Variants in MINDY3 observed in about 807,000 individuals in gnomAD.
MINDY3 encodes the protein ubiquitin carboxyl-terminal hydrolase MINDY-3.
MINDY3 carries 38 observed loss-of-function variants against 69.2 expected under a neutral mutation model. The observed-to-expected ratio is 0.55, with a 90% CI of 0.42 to 0.72. The LOEUF is 0.72. Among genes scored for constraint, MINDY3 ranks in the 30% least tolerant of loss-of-function variants. MINDY3 has a pLI of 0.00. For missense variants in MINDY3, 522 were observed against 519.0 expected (o/e 1.01, Z -0.06); for synonymous variants, 192 against 180.1 (o/e 1.07, Z -0.53).
rs1837035129 is a variant in MINDY3 at position 15,787,182 on chromosome 10, T to C, written c.1029-534A>G. 2.0e-5 allele frequency among the ~76,000 whole-genome samples: 3 copies of C among 152,248 alleles called. No individual in the cohort carries two copies. The South Asian group carries it at 6.2e-4, about 32-fold the overall frequency. Reference sequence around the variant, plus strand: ...GAAGGTTAAAGAGCTACATTAATTCTCAAAGAGCTAATGCGTCATGAATGA... The same window carrying C: ...GAAGGTTAAAGAGCTACATTAATTCCCAAAGAGCTAATGCGTCATGAATGA... On this transcript the variant is annotated intron_variant, in intron 12 of 14. Transcript: ENST00000277632.
intron 10 of MINDY3, among the ~76,000 whole-genome samples, chr10:15,815,194 T>C (rs866425687): frequency 4.2e-4 from 64 of 152,232 alleles, no homozygotes; most frequent in African/African-American, 1.5e-3. Flanking sequence ...TTGTCAGTTT[T>C]TGTAGTTCAC....
At chr10:15,818,895 G>C (rs1311226788) in intron 9 of MINDY3, among the ~76,000 whole-genome samples, 1 of 152,112 alleles carries the variant, frequency 6.6e-6, no homozygotes, top group African/African-American at 2.4e-5. Context: ...AAACATTTTG[G>C]AATTAGATTG....
At chr10:15,846,725 A>ATTTTTTTT (rs11455489) in intron 2 of MINDY3, among the ~76,000 whole-genome samples, 2 of 141,652 alleles carry the variant, frequency 1.4e-5, no homozygotes, top group Non-Finnish European at 1.5e-5. Flanking sequence ...TTAGGAATGC[A>ATTTTTTTT]TTTTTTTTTT....
At chr10:15,810,421 T>C (rs1305397979) in intron 10 of MINDY3, among the ~76,000 whole-genome samples, 2 of 152,202 alleles carry the variant, frequency 1.3e-5, no homozygotes, top group South Asian at 2.1e-4. Context: ...TAAATACTCA[T>C]GACAGCTGTT....
intron 5 of MINDY3, 195 bp from the exon 6 acceptor site, chr10:15,837,513 G>A (rs1179363242): frequency 7.0e-7 from 1 of 1,436,700 alleles, no homozygotes; most frequent in Non-Finnish European, 9.4e-7. Flanking sequence ...CACTATATAT[G>A]ATATTTATCA....
intron 9 of MINDY3, 54 bp downstream of exon 9, chr10:15,821,602 C>A: frequency 2.9e-6 from 4 of 1,360,144 alleles, no homozygotes; most frequent in South Asian, 1.2e-5. Flanking sequence ...ACAGTATCCA[C>A]AATAGTGGAC....
At chr10:15,854,668 C>G (rs1385242496) in intron 1 of MINDY3, among the ~76,000 whole-genome samples, 1 of 151,836 alleles carries the variant, frequency 6.6e-6, no homozygotes, top group Non-Finnish European at 1.5e-5. Flanking sequence ...AGTGTTAATT[C>G]CAAAAAACAT....
At chr10:15,837,734 T>G in intron 5 of MINDY3, 1 of 1,051,938 alleles carries the variant, frequency 9.5e-7, no homozygotes. Flanking sequence ...CATTTGCGGC[T>G]TCTTTTAAAA....
intron 2 of MINDY3, among the ~76,000 whole-genome samples, chr10:15,845,526 G>T (rs1309945108): frequency 6.6e-6 from 1 of 151,844 alleles, no homozygotes; most frequent in Non-Finnish European, 1.5e-5. Context: ...TAGAAACAGG[G>T]TCTCCCTCTA....
intron 14 of MINDY3, among the ~76,000 whole-genome samples, chr10:15,780,408 C>G (rs1749303512): frequency 6.6e-6 from 1 of 152,206 alleles, no homozygotes; most frequent in Non-Finnish European, 1.5e-5. Context: ...CAAAGCAAAA[C>G]TGCCTTCTCT....
chr10:15,789,075 C>T, intron 12 of MINDY3, 172 bp downstream of exon 12: 2 of 434,032 alleles, frequency 4.6e-6, no homozygotes, highest in Non-Finnish European at 4.1e-6. Context: ...TTAAGTATGT[C>T]AAGTCTGCTA....
intron 12 of MINDY3, among the ~76,000 whole-genome samples, chr10:15,787,758 T>C (rs1408261066): frequency 2.0e-5 from 3 of 152,278 alleles, no homozygotes; most frequent in Admixed American, 6.5e-5. Flanking sequence ...CATTCTTGTA[T>C]AGTATACTGT....
Position 15,803,997 on chromosome 10 carries a change from C to G in MINDY3, c.883-7825G>C, listed in dbSNP as rs1006211984. ...TAGGTACCCTCAGTAGGAAGAGATC[C>G]TACACATGAGACTCAACGATTACAT... On this transcript the variant is annotated intron_variant, in intron 10 of 14. Coordinates refer to ENST00000277632, the MANE Select transcript of MINDY3 (RefSeq NM_024948.4). Among the ~76,000 whole-genome samples, 68 of 152,026 alleles carry G rather than the reference C, an allele frequency of 4.5e-4. 1 individual carries two copies. Among genetic ancestry groups the G allele is most frequent in the African/African-American group, 1.6e-3 (67 of 41,408 alleles).
intron 10 of MINDY3, among the ~76,000 whole-genome samples, chr10:15,799,727 G>A (rs1231105498): frequency 6.6e-6 from 1 of 152,090 alleles, no homozygotes; most frequent in Admixed American, 6.6e-5. Flanking sequence ...GACAGAAAAG[G>A]AGGACTTAGG....
At chr10:15,810,012 A>G (rs1156835601) in intron 10 of MINDY3, among the ~76,000 whole-genome samples, 1 of 152,120 alleles carries the variant, frequency 6.6e-6, no homozygotes, top group African/African-American at 2.4e-5. Flanking sequence ...AAAATTATTA[A>G]ATTTATTTTT....
At chr10:15,847,658 A>T (rs1329339234) in intron 2 of MINDY3, among the ~76,000 whole-genome samples, 1 of 152,198 alleles carries the variant, frequency 6.6e-6, no homozygotes, top group African/African-American at 2.4e-5. Flanking sequence ...GAAAATAAAG[A>T]TTGTCAAAAG....
intron 1 of MINDY3, among the ~76,000 whole-genome samples, chr10:15,849,634 T>G (rs1390848305): frequency 6.6e-6 from 1 of 152,102 alleles, no homozygotes; most frequent in African/African-American, 2.4e-5. Context: ...GGCAAAGGCT[T>G]GGTACAAAAG....
At chr10:15,821,314 G>C (rs917644386) in intron 9 of MINDY3, among the ~76,000 whole-genome samples, 4 of 151,924 alleles carry the variant, frequency 2.6e-5, no homozygotes, top group African/African-American at 7.3e-5. Flanking sequence ...CATATTCTTC[G>C]TTAGGTAATA....
At chr10:15,812,117 T>C (rs1839042865) in intron 10 of MINDY3, among the ~76,000 whole-genome samples, 1 of 152,044 alleles carries the variant, frequency 6.6e-6, no homozygotes, top group South Asian at 2.1e-4. Context: ...AATTTTTGTA[T>C]TCTTAGTAGA....
Sources: allele counts gnomAD v4.1 joint callset (sites outside exome capture counted in the v4.1 genomes callset), GRCh38; gene constraint gnomAD v4.1.1; transcripts MANE v1.5; gene names NCBI Gene and HGNC (gene_info 2026-07-23, HGNC 2026-07-21).